The following IMPG1 variants were observed in gnomAD, a reference collection of about 807,000 sequenced individuals.
IMPG1 encodes interphotoreceptor matrix proteoglycan of 150 kDa.
Under a neutral mutation model 92.0 loss-of-function variants are expected in IMPG1, and 85 were observed. The observed-to-expected ratio is 0.92, with a 90% CI of 0.78 to 1.11. The LOEUF is 1.11. Ranked by LOEUF, IMPG1 falls within the 50% of genes least tolerant of loss-of-function variation. The pLI is 0.00. For missense variants in IMPG1, 1,022 were observed against 956.0 expected (o/e 1.07, Z -0.91); for synonymous variants, 367 against 334.1 (o/e 1.10, Z -1.08).
At chr6:75,980,932 T>C (rs1782617084) in intron 12 of IMPG1, among the ~76,000 whole-genome samples, 1 of 152,198 alleles carries the variant, frequency 6.6e-6, no homozygotes, top group Admixed American at 6.5e-5. Context: ...ACTAAGTCAG[T>C]AAGACTGAAG....
chr6:76,057,071 C>A (rs1190980932), intron 1 of IMPG1, among the ~76,000 whole-genome samples: 4 of 152,106 alleles, frequency 2.6e-5, no homozygotes, highest in African/African-American at 7.2e-5. Context: ...CACATGTTCT[C>A]ATTTATAAGT....
intron 1 of IMPG1, among the ~76,000 whole-genome samples, chr6:76,068,086 G>A (rs936750106): frequency 2.6e-5 from 4 of 152,108 alleles, no homozygotes; most frequent in East Asian, 1.9e-4. Flanking sequence ...ACATCGTACC[G>A]AATGGGGGAA....
intron 12 of IMPG1, among the ~76,000 whole-genome samples, chr6:75,971,861 C>A (rs1276814552): frequency 6.6e-6 from 1 of 152,182 alleles, no homozygotes; most frequent in Non-Finnish European, 1.5e-5. Flanking sequence ...CTTGTGGATA[C>A]TGACCAGCTT....
intron 15 of IMPG1, among the ~76,000 whole-genome samples, chr6:75,924,545 A>AT (rs1781494663): frequency 2.4e-4 from 10 of 42,074 alleles, no homozygotes; most frequent in African/African-American, 7.4e-4. Context: ...TAATTATATA[A>AT]TATAATTAAT....
chr6:75,924,667 A>ATATTATATATAATT (rs376659354), intron 15 of IMPG1, among the ~76,000 whole-genome samples: 1 of 8,006 alleles, frequency 1.2e-4, no homozygotes, highest in Non-Finnish European at 2.2e-4. Flanking sequence ...AATATATAAT[A>ATATTATATATAATT]AATTATATAT....
At chr6:75,971,018 T>C (rs1003169194) in intron 12 of IMPG1, among the ~76,000 whole-genome samples, 1 of 152,008 alleles carries the variant, frequency 6.6e-6, no homozygotes. Context: ...CACATGCACA[T>C]GTATGTTTAT....
chr6:75,985,194 G>A (rs1782693279), intron 12 of IMPG1, among the ~76,000 whole-genome samples: 1 of 152,190 alleles, frequency 6.6e-6, no homozygotes, highest in South Asian at 2.1e-4. Context: ...TCTGGAATAT[G>A]GCAACCTAAT....
chr6:75,961,222 G>T (rs1211723502), intron 12 of IMPG1, among the ~76,000 whole-genome samples: 2 of 152,152 alleles, frequency 1.3e-5, no homozygotes, highest in East Asian at 3.8e-4. Flanking sequence ...TCAAGTGGTT[G>T]CTTATTCATG....
chr6:76,035,499 CAAAAAAAAAAAAA>C (rs34929063), intron 2 of IMPG1, among the ~76,000 whole-genome samples: 1 of 62,170 alleles, frequency 1.6e-5, no homozygotes, highest in East Asian at 4.4e-4. Flanking sequence ...AACTCCGTCT[CAAAAAAAAAAAAA>C]AAAAAAAAAA....
At chr6:76,058,770 C>T (rs1287444487) in intron 1 of IMPG1, among the ~76,000 whole-genome samples, 2 of 152,136 alleles carry the variant, frequency 1.3e-5, no homozygotes, top group Admixed American at 6.6e-5. Context: ...GCCTAGCTAA[C>T]TTTATAGTGC....
At chr6:76,036,417 A>T (rs1200183534) in intron 2 of IMPG1, among the ~76,000 whole-genome samples, 1 of 152,180 alleles carries the variant, frequency 6.6e-6, no homozygotes, top group Admixed American at 6.5e-5. Flanking sequence ...ACACCCACAA[A>T]ACTTGAATCT....
chr6:76,041,764 G>A, intron 2 of IMPG1, 129 bp downstream of exon 2: 1 of 645,522 alleles, frequency 1.5e-6, no homozygotes, highest in South Asian at 1.9e-5. Context: ...ATTATCACTA[G>A]GTTGATTTTT....
intron 7 of IMPG1, among the ~76,000 whole-genome samples, chr6:76,014,702 A>G (rs1783252221): frequency 6.6e-6 from 1 of 152,210 alleles, no homozygotes; most frequent in African/African-American, 2.4e-5. Flanking sequence ...TATATACATG[A>G]AAACAGTCAA....
At chr6:76,007,221 A>G (rs1434018385) in intron 9 of IMPG1, among the ~76,000 whole-genome samples, 2 of 152,194 alleles carry the variant, frequency 1.3e-5, no homozygotes, top group Non-Finnish European at 2.9e-5. Context: ...TTTTCTAACT[A>G]TACCTTGAGT....
rs922962007 is a variant in IMPG1 at position 76,057,148 on chromosome 6, G to A, written c.68-15022C>T. 3.9e-5 allele frequency among the ~76,000 whole-genome samples: 6 copies of A among 152,128 alleles called. No individual in the cohort carries two copies. The East Asian group carries it at 9.6e-4, about 24-fold the overall frequency. On this transcript the variant is annotated intron_variant, in intron 1 of 16. Coordinates refer to ENST00000369950, the MANE Select transcript of IMPG1 (RefSeq NM_001563.4). ...CAACACACATGGGGGGCTGTTGGAAGGTGGGAGGAGGGAGAGCATCAAGAA... is the reference window on the plus strand; with the variant it reads ...CAACACACATGGGGGGCTGTTGGAAAGTGGGAGGAGGGAGAGCATCAAGAA...
intron 12 of IMPG1, among the ~76,000 whole-genome samples, chr6:75,983,609 A>G (rs574191191): frequency 6.6e-6 from 1 of 152,200 alleles, no homozygotes; most frequent in Non-Finnish European, 1.5e-5. Context: ...GTAAAACCTG[A>G]AACTCTAAAT....
At chr6:76,071,196 AT>A (rs1183776309) in intron 1 of IMPG1, among the ~76,000 whole-genome samples, 1 of 148,390 alleles carries the variant, frequency 6.7e-6, no homozygotes, top group East Asian at 1.9e-4. Flanking sequence ...ATAATTATAT[AT>A]TTGGAATTGT....
At chr6:75,954,150 A>G (rs1267664026) in intron 12 of IMPG1, among the ~76,000 whole-genome samples, 2 of 152,182 alleles carry the variant, frequency 1.3e-5, no homozygotes, top group African/African-American at 4.8e-5. Context: ...GCTGGGAAAA[A>G]TGGTATTTCT....
chr6:76,059,532 A>C (rs1784170736), intron 1 of IMPG1, among the ~76,000 whole-genome samples: 1 of 152,184 alleles, frequency 6.6e-6, no homozygotes, highest in South Asian at 2.1e-4. Flanking sequence ...CAGAACCAGC[A>C]GTCATCTGGT....
Sources: gnomAD v4.1 joint callset for allele counts (sites outside exome capture counted in the v4.1 genomes callset) on GRCh38, gnomAD v4.1.1 for gene constraint, MANE v1.5 for transcripts, NCBI Gene and HGNC (gene_info 2026-07-23, HGNC 2026-07-21) for gene names.